The following GPRC6A variants were observed in gnomAD, a reference collection of about 807,000 sequenced individuals.
GPRC6A encodes G protein-coupled receptor class C group 6 member A.
A neutral mutation model predicts 47.0 loss-of-function variants in GPRC6A; 54 were observed. That is an observed-to-expected ratio of 1.15 (90% CI 0.92 to 1.44). The LOEUF is 1.44. Among genes scored for constraint, GPRC6A ranks in the 40% most tolerant of loss-of-function variants. GPRC6A has a pLI of 0.00. For synonymous variants in GPRC6A, 347 were observed against 377.1 expected (o/e 0.92, Z 0.93); for missense variants, 1,112 against 1,105.5 (o/e 1.01, Z -0.08).
intron 4 of GPRC6A, among the ~76,000 whole-genome samples, chr6:116,798,344 A>G (rs1772552373): frequency 6.6e-6 from 1 of 152,170 alleles, no homozygotes; most frequent in Non-Finnish European, 1.5e-5. Flanking sequence ...TAGGCAAAGG[A>G]AATAGCAGGG....
chr6:116,804,579 C>T (rs1434241699), intron 3 of GPRC6A, among the ~76,000 whole-genome samples: 1 of 151,978 alleles, frequency 6.6e-6, no homozygotes, highest in Admixed American at 6.6e-5. Flanking sequence ...AGCAAGTCAT[C>T]CCCCTGTTCT....
chr6:116,810,604 T>C (rs1387750726), intron 1 of GPRC6A, among the ~76,000 whole-genome samples: 1 of 151,650 alleles, frequency 6.6e-6, no homozygotes, highest in African/African-American at 2.4e-5. Context: ...AAGATTACTA[T>C]TTGTCATTGT....
chr6:116,817,504 T>C (rs548158444), intron 1 of GPRC6A, among the ~76,000 whole-genome samples: 299 of 152,306 alleles, frequency 2.0e-3, no homozygotes, highest in African/African-American at 7.0e-3. Flanking sequence ...AGGAACGCAG[T>C]TCCTCACCAG....
chr6:116,823,611 T>A (rs893207208), intron 1 of GPRC6A, among the ~76,000 whole-genome samples: 2 of 152,110 alleles, frequency 1.3e-5, no homozygotes, highest in Non-Finnish European at 2.9e-5. Flanking sequence ...TTTTCAGATA[T>A]CTTTATAGCA....
intron 1 of GPRC6A, among the ~76,000 whole-genome samples, chr6:116,817,924 T>C (rs1210072038): frequency 2.1e-4 from 31 of 151,012 alleles, no homozygotes; most frequent in Admixed American, 5.3e-4. Context: ...CTGAAAGTGA[T>C]GGGGAGAATG....
chr6:116,820,040 C>T (rs1773403565), intron 1 of GPRC6A, among the ~76,000 whole-genome samples: 1 of 147,930 alleles, frequency 6.8e-6, no homozygotes, highest in South Asian at 2.1e-4. Flanking sequence ...ACCACCGATC[C>T]CACAGAAATA....
At chr6:116,820,327 A>G (rs1036885209) in intron 1 of GPRC6A, among the ~76,000 whole-genome samples, 1 of 152,200 alleles carries the variant, frequency 6.6e-6, no homozygotes, top group Non-Finnish European at 1.5e-5. Context: ...CGATCAATAG[A>G]AAAAGAGGGA....
intron 1 of GPRC6A, among the ~76,000 whole-genome samples, chr6:116,818,682 T>C (rs946809783): frequency 2.7e-5 from 4 of 149,966 alleles, no homozygotes; most frequent in Non-Finnish European, 5.9e-5. Flanking sequence ...CCACCAGGCC[T>C]GCCCTAAAAG....
chr6:116,821,673 C>G (rs1773486196), intron 1 of GPRC6A, among the ~76,000 whole-genome samples: 1 of 152,024 alleles, frequency 6.6e-6, no homozygotes, highest in African/African-American at 2.4e-5. Flanking sequence ...AAAGCTGAAA[C>G]TGGATCCCTT....
At position 116,806,845 on chromosome 6, in the gene GPRC6A, A is replaced by G; in HGVS notation, c.860T>C (p.Phe287Ser). The change falls in exon 3 of 6, where the codon TTC becomes TCC. Residue 287 changes from phenylalanine to serine, a missense_variant. By Grantham distance (155) the Phe-to-Ser change is radical. Transcript: ENST00000310357. ...FLRQFHVFDL[F>S]NKAIEMNINK... Reference sequence around the variant, plus strand: ...TATATTCATTTCAATGGCTTTATTGAAGAGATCAAAAACATGGAATTGCCT... The same window carrying G: ...TATATTCATTTCAATGGCTTTATTGGAGAGATCAAAAACATGGAATTGCCT... 4 of 1,613,426 alleles carry G rather than the reference A, an allele frequency of 2.5e-6. No individual in the cohort carries two copies. Among genetic ancestry groups the G allele is most frequent in the Non-Finnish European group, 3.4e-6 (4 of 1,179,542 alleles).
At chr6:116,802,370 G>A (rs1311357226) in intron 3 of GPRC6A, among the ~76,000 whole-genome samples, 1 of 152,090 alleles carries the variant, frequency 6.6e-6, no homozygotes, top group Non-Finnish European at 1.5e-5. Flanking sequence ...TGGAGACTCT[G>A]AAATTCACTA....
chr6:116,802,922 T>C (rs1562480642), intron 3 of GPRC6A, among the ~76,000 whole-genome samples: 1 of 152,160 alleles, frequency 6.6e-6, no homozygotes, highest in South Asian at 2.1e-4. Flanking sequence ...TAAAAATTAT[T>C]AGTTACTATT....
chr6:116,817,671 C>T (rs1286869377), intron 1 of GPRC6A, among the ~76,000 whole-genome samples: 1 of 151,774 alleles, frequency 6.6e-6, no homozygotes, highest in Non-Finnish European at 1.5e-5. Context: ...ATAACCAATA[C>T]AGAGAAGTGC....
intron 2 of GPRC6A, among the ~76,000 whole-genome samples, chr6:116,808,054 C>T (rs1199330294): frequency 6.6e-6 from 1 of 151,242 alleles, no homozygotes; most frequent in Non-Finnish European, 1.5e-5. Flanking sequence ...AGACAATAGG[C>T]TTGGGAACCA....
chr6:116,795,937 A>G, intron 4 of GPRC6A, 102 bp from the exon 5 acceptor site: 2 of 729,142 alleles, frequency 2.7e-6, no homozygotes, highest in Non-Finnish European at 4.2e-6. Flanking sequence ...ACTAAATACT[A>G]TTTTGGTCTT....
chr6:116,815,309 C>A (rs1427946974), intron 1 of GPRC6A, among the ~76,000 whole-genome samples: 3 of 152,036 alleles, frequency 2.0e-5, no homozygotes, highest in Non-Finnish European at 4.4e-5. Flanking sequence ...ATGATGAAAC[C>A]CCAACTCTAC....
chr6:116,816,586 C>A lies in GPRC6A; in HGVS notation c.195-6969G>T, dbSNP rs555680594. Among the ~76,000 whole-genome samples, 312 of 152,274 alleles carry A rather than the reference C, an allele frequency of 2.0e-3. 3 individuals carry two copies. The Middle Eastern group carries it at 0.027, about 13-fold the overall frequency. On this transcript the variant is annotated intron_variant, in intron 1 of 5. Transcript: ENST00000310357. The stretch of plus-strand genomic sequence containing the variant: ...GGTCTACAGCTCCCAGCATGAGCGA[C>A]GCAGAAGACGGGTGATTTCTGCATT...
intron 1 of GPRC6A, among the ~76,000 whole-genome samples, chr6:116,811,953 T>C (rs1008848804): frequency 6.6e-6 from 1 of 152,076 alleles, no homozygotes; most frequent in South Asian, 2.1e-4. Context: ...TAGTTAAACA[T>C]ATATAACAAA....
At chr6:116,804,080 G>A (rs1772763546) in intron 3 of GPRC6A, among the ~76,000 whole-genome samples, 1 of 151,934 alleles carries the variant, frequency 6.6e-6, no homozygotes, top group Non-Finnish European at 1.5e-5. Flanking sequence ...TCAACTATTA[G>A]GCATTCTTTC....
Sources: allele counts gnomAD v4.1 joint callset (sites outside exome capture counted in the v4.1 genomes callset), GRCh38; gene constraint gnomAD v4.1.1; transcripts MANE v1.5; gene names NCBI Gene and HGNC (gene_info 2026-07-23, HGNC 2026-07-21).